LRRTM3: variants seen among roughly 807,000 people sequenced by gnomAD.
LRRTM3 encodes leucine rich repeat transmembrane neuronal 3, also known as leucine-rich repeat transmembrane neuronal protein 3.
In LRRTM3, 24 loss-of-function variants were observed where a neutral mutation model predicts 44.7. The ratio of observed to expected loss-of-function variants is 0.54; its 90% CI spans 0.39 to 0.76. LRRTM3 has a LOEUF of 0.76. Ranked by LOEUF, LRRTM3 falls within the 30% of genes least tolerant of loss-of-function variation. LRRTM3 has a pLI of 0.00. For missense variants in LRRTM3, 587 were observed against 702.2 expected (o/e 0.84, Z 1.85); for synonymous variants, 277 against 278.7 (o/e 0.99, Z 0.06).
chr10:66,955,710 G>A (rs184852510), intron 2 of LRRTM3, among the ~76,000 whole-genome samples: 2 of 152,254 alleles, frequency 1.3e-5, no homozygotes, highest in Admixed American at 1.3e-4. Flanking sequence ...ACAAACTGGA[G>A]ATCAGCCTCC....
chr10:67,071,513 T>G (rs1372905417), intron 2 of LRRTM3, among the ~76,000 whole-genome samples: 1 of 37,478 alleles, frequency 2.7e-5, no homozygotes, highest in African/African-American at 1.4e-4. Context: ...GTTTTTTTTG[T>G]TTGTTTGTTT....
intron 2 of LRRTM3, among the ~76,000 whole-genome samples, chr10:66,940,290 C>G (rs1847931067): frequency 6.6e-6 from 1 of 151,994 alleles, no homozygotes; most frequent in African/African-American, 2.4e-5. Flanking sequence ...CACTTGAGCT[C>G]TCAAGACCAG....
At chr10:67,051,879 C>G (rs1004730602) in intron 2 of LRRTM3, among the ~76,000 whole-genome samples, 4 of 152,012 alleles carry the variant, frequency 2.6e-5, no homozygotes, top group African/African-American at 9.7e-5. Context: ...CTCAGCCACC[C>G]AAATAGCTGG....
intron 2 of LRRTM3, among the ~76,000 whole-genome samples, chr10:67,092,030 T>G (rs1443417440): frequency 6.6e-6 from 1 of 151,900 alleles, no homozygotes; most frequent in African/African-American, 2.4e-5. Flanking sequence ...AAAATAAAAG[T>G]AAGAAAATAC....
At chr10:66,985,877 G>A (rs1015897088) in intron 2 of LRRTM3, among the ~76,000 whole-genome samples, 15 of 151,760 alleles carry the variant, frequency 9.9e-5, no homozygotes, top group African/African-American at 3.1e-4. Flanking sequence ...ACAGGTGCTC[G>A]CCACCACACC....
chr10:66,968,824 C>A (rs1849571880), intron 2 of LRRTM3, among the ~76,000 whole-genome samples: 1 of 152,018 alleles, frequency 6.6e-6, no homozygotes, highest in South Asian at 2.1e-4. Context: ...TAAGACGAGC[C>A]TGGCCAACAT....
intron 2 of LRRTM3, among the ~76,000 whole-genome samples, chr10:67,077,880 T>C (rs1375747261): frequency 2.6e-5 from 4 of 152,172 alleles, no homozygotes; most frequent in African/African-American, 9.7e-5. Flanking sequence ...ATAGAAATCT[T>C]TTTATCTAGA....
At position 66,927,322 on chromosome 10, in the gene LRRTM3, C is replaced by A; in HGVS notation, c.406C>A (p.Arg136=). 2 of 1,614,120 alleles carry A rather than the reference C, an allele frequency of 1.2e-6. No individual in the cohort carries two copies. Among genetic ancestry groups the A allele is most frequent in the Non-Finnish European group, 1.7e-6 (2 of 1,180,028 alleles). The change falls in exon 2 of 3, where the codon CGG becomes AGG. Residue 136 remains arginine, a synonymous_variant. Transcript: ENST00000361320. The surrounding 1 kb of genome is among the most constrained non-coding windows in gnomAD (Gnocchi z 4.7). ...TACCTTCAGACCTGTGACAAATTTA[C>A]GGAACTTGGATCTGTCCTATAATCA... ...NNTFRPVTNL[R]NLDLSYNQLH... is the part of the protein sequence containing the mutation.
chr10:67,014,787 T>C (rs896409932), intron 2 of LRRTM3, among the ~76,000 whole-genome samples: 1 of 152,062 alleles, frequency 6.6e-6, no homozygotes, highest in Non-Finnish European at 1.5e-5. Context: ...AAAACAGCCA[T>C]CTCTACCACC....
intron 2 of LRRTM3, among the ~76,000 whole-genome samples, chr10:66,983,002 T>G (rs1003541385): frequency 6.6e-6 from 1 of 152,126 alleles, no homozygotes; most frequent in African/African-American, 2.4e-5. Flanking sequence ...CTAAAGGAAA[T>G]GCACTAATGA....
intron 2 of LRRTM3, among the ~76,000 whole-genome samples, chr10:67,092,675 A>G (rs1397415763): frequency 6.6e-6 from 1 of 151,988 alleles, no homozygotes; most frequent in Non-Finnish European, 1.5e-5. Flanking sequence ...ACAAACTCAA[A>G]TATTACATAT....
At chr10:67,089,468 A>C (rs1857498587) in intron 2 of LRRTM3, among the ~76,000 whole-genome samples, 1 of 152,092 alleles carries the variant, frequency 6.6e-6, no homozygotes, top group East Asian at 1.9e-4. Flanking sequence ...GGAATGCTAA[A>C]GAGTTCTAGG....
chr10:66,927,420 CCT>C lies in LRRTM3; in HGVS notation c.505_506del (p.Leu169GlufsTer22). 1 of 1,614,092 alleles carries C rather than the reference CCT, an allele frequency of 6.2e-7. No homozygotes were observed. Among genetic ancestry groups the C allele is most frequent in the Non-Finnish European group, 8.5e-7 (1 of 1,180,038 alleles). ...LLSLHLRSNS[L>X]RTIPVRIFQD... Reference sequence around the variant, plus strand: ...TGAGTTTACATTTACGGTCTAACTCCCTGAGAACCATCCCTGTGCGAATATTC... The same window carrying C: ...TGAGTTTACATTTACGGTCTAACTCCGAGAACCATCCCTGTGCGAATATTC... On this transcript the variant is annotated frameshift_variant, in exon 2 of 3. Transcript: ENST00000361320. LOFTEE classifies it high-confidence loss of function. This position sits in a 1 kb window ranked among gnomAD's most constrained non-coding sequence, Gnocchi z 4.7.
At chr10:66,995,089 G>C (rs548799583) in intron 2 of LRRTM3, among the ~76,000 whole-genome samples, 2 of 152,122 alleles carry the variant, frequency 1.3e-5, no homozygotes, top group Non-Finnish European at 2.9e-5. Flanking sequence ...TTGAGCAACA[G>C]ACCCATGTTT....
intron 2 of LRRTM3, among the ~76,000 whole-genome samples, chr10:67,072,013 C>A (rs1856494263): frequency 6.6e-6 from 1 of 152,134 alleles, no homozygotes; most frequent in African/African-American, 2.4e-5. Flanking sequence ...GAGTGCTGTG[C>A]ACGATCTCAG....
At chr10:67,082,664 T>C (rs58651501) in intron 2 of LRRTM3, among the ~76,000 whole-genome samples, 1,800 of 152,292 alleles carry the variant, frequency 0.012, 30 homozygotes, top group African/African-American at 0.041. Flanking sequence ...GATAGGAATA[T>C]GTTATTTCCA....
intron 2 of LRRTM3, among the ~76,000 whole-genome samples, chr10:67,065,460 A>G (rs1409779730): frequency 6.6e-6 from 1 of 152,214 alleles, no homozygotes; most frequent in Non-Finnish European, 1.5e-5. Context: ...AGAAAATAAA[A>G]TAAATATTGA....
chr10:66,996,991 C>A (rs962889686), intron 2 of LRRTM3, among the ~76,000 whole-genome samples: 26 of 152,100 alleles, frequency 1.7e-4, no homozygotes, highest in African/African-American at 6.0e-4. Flanking sequence ...AAAAGATAAT[C>A]AAGAATAAGA....
intron 2 of LRRTM3, among the ~76,000 whole-genome samples, chr10:66,939,436 T>G (rs1180810397): frequency 6.6e-6 from 1 of 152,130 alleles, no homozygotes; most frequent in Non-Finnish European, 1.5e-5. Flanking sequence ...TTATCTCTCA[T>G]GAAAGCAATA....
Sources: gnomAD v4.1 joint callset for allele counts (sites outside exome capture counted in the v4.1 genomes callset) on GRCh38, gnomAD v4.1.1 for gene constraint, Gnocchi (gnomAD v3.1) non-coding constraint, MANE v1.5 for transcripts, NCBI Gene and HGNC (gene_info 2026-07-23, HGNC 2026-07-21) for gene names.